The following AKAP13 variants were observed in gnomAD, a reference collection of about 807,000 sequenced individuals.
AKAP13 encodes A-kinase anchor protein 13.
In AKAP13, 80 loss-of-function variants were observed where a neutral mutation model predicts 264.5. That is an observed-to-expected ratio of 0.30 (90% CI 0.25 to 0.36). The LOEUF (loss-of-function observed/expected upper bound fraction) is 0.36, where lower values mean the gene tolerates loss of function less well. Ranked by LOEUF, AKAP13 falls within the 10% of genes least tolerant of loss-of-function variation. The probability of loss-of-function intolerance (pLI) is 1.00; values close to 1 mark genes in which losing one functional copy is unlikely to be tolerated. For missense variants in AKAP13, 3,712 were observed against 3,435.2 expected (o/e 1.08, Z -2.01); for synonymous variants, 1,380 against 1,250.2 (o/e 1.10, Z -2.19).
chr15:85,663,720 C>G (rs979230571), intron 12 of AKAP13, among the ~76,000 whole-genome samples: 1 of 152,190 alleles, frequency 6.6e-6, no homozygotes, highest in Non-Finnish European at 1.5e-5. Flanking sequence ...GTGAATTACT[C>G]TAGTTAGCAA....
chr15:85,553,316 G>A (rs1237744663), intron 5 of AKAP13, among the ~76,000 whole-genome samples: 2 of 152,024 alleles, frequency 1.3e-5, no homozygotes, highest in Non-Finnish European at 2.9e-5. Flanking sequence ...TTGAACTCCT[G>A]ACCTCAGGTG....
intron 5 of AKAP13, among the ~76,000 whole-genome samples, chr15:85,562,862 GT>G (rs869094669): frequency 5.9e-5 from 2 of 34,102 alleles, no homozygotes; most frequent in African/African-American, 1.2e-4. Context: ...CGCCCAGCAG[GT>G]TTTTTTTGTT....
chr15:85,446,286 G>A (rs1480196262), intron 1 of AKAP13, among the ~76,000 whole-genome samples: 2 of 152,178 alleles, frequency 1.3e-5, no homozygotes, highest in Non-Finnish European at 2.9e-5. Context: ...CCAGGAGTGA[G>A]GACAACGACT....
At chr15:85,657,659 A>G (rs1357153796) in intron 11 of AKAP13, among the ~76,000 whole-genome samples, 2 of 150,660 alleles carry the variant, frequency 1.3e-5, no homozygotes, top group African/African-American at 4.9e-5. Flanking sequence ...TATACGTTTG[A>G]GACCCTAGAT....
intron 9 of AKAP13, 71 bp downstream of exon 9, chr15:85,639,520 C>A: frequency 1.8e-6 from 2 of 1,112,116 alleles, no homozygotes; most frequent in Non-Finnish European, 1.4e-6. Flanking sequence ...ATTTGGAGAT[C>A]TGCCCTTCCT....
At chr15:85,687,271 T>A (rs1373790607) in intron 16 of AKAP13, among the ~76,000 whole-genome samples, 2 of 152,226 alleles carry the variant, frequency 1.3e-5, no homozygotes, top group African/African-American at 4.8e-5. Context: ...GAAGTAGTAC[T>A]CATCATTTTG....
chr15:85,722,161 T>G, intron 24 of AKAP13, 45 bp downstream of exon 24: 1 of 1,611,998 alleles, frequency 6.2e-7, no homozygotes, highest in Non-Finnish European at 8.5e-7. Flanking sequence ...TTGAGAGCCA[T>G]GTGTCCCTGT....
intron 9 of AKAP13, among the ~76,000 whole-genome samples, chr15:85,642,065 G>C (rs1002077182): frequency 5.1e-4 from 77 of 152,126 alleles, no homozygotes; most frequent in Non-Finnish European, 8.8e-4. Flanking sequence ...TCATAAAATG[G>C]GACTGGCCCT....
intron 8 of AKAP13, among the ~76,000 whole-genome samples, chr15:85,637,884 GTT>G (rs34885165): frequency 0.22 from 27,113 of 122,534 alleles, 3,403 homozygotes; most frequent in Middle Eastern, 0.4. Flanking sequence ...TTATTTAGAA[GTT>G]TTTTTTTTTT....
intron 30 of AKAP13, among the ~76,000 whole-genome samples, chr15:85,734,362 G>T (rs189601584): frequency 2.0e-5 from 3 of 152,176 alleles, no homozygotes; most frequent in East Asian, 1.9e-4. Flanking sequence ...CATAGGACTC[G>T]TCTATCATTT....
intron 10 of AKAP13, among the ~76,000 whole-genome samples, chr15:85,649,645 C>T (rs923218613): frequency 2.6e-5 from 4 of 152,200 alleles, no homozygotes; most frequent in African/African-American, 9.7e-5. Flanking sequence ...TTCACCTTAA[C>T]CCTGTCTTTC....
Position 85,562,862 on chromosome 15 carries a change from GTTTTTTTTGTT to G in AKAP13, c.663-12260_663-12250del, listed in dbSNP as rs1332750249. 1.8e-4 allele frequency among the ~76,000 whole-genome samples: 6 copies of G among 34,102 alleles called. No individual in the cohort carries two copies. In the Admixed American group the frequency reaches 2.3e-3, roughly 13 times the overall value. The allele number at this position is 34,102 out of a possible 152,430, so 22.4% of individuals were successfully genotyped here. On this transcript the variant is annotated intron_variant, in intron 5 of 36. Coordinates refer to ENST00000394518, the MANE Select transcript of AKAP13 (RefSeq NM_007200.5). ...AGGCATGCGCCACCACGCCCAGCAG[GTTTTTTTTGTT>G]TTTTTTTTTTTTGTATTTTTAGTAG...
intron 8 of AKAP13, among the ~76,000 whole-genome samples, chr15:85,628,574 A>G (rs1409112552): frequency 6.6e-6 from 1 of 152,204 alleles, no homozygotes; most frequent in East Asian, 1.9e-4. Context: ...GTTCTTAGAG[A>G]CAGTGAGCCT....
intron 35 of AKAP13, among the ~76,000 whole-genome samples, chr15:85,742,422 T>G (rs906443156): frequency 6.6e-6 from 1 of 151,896 alleles, no homozygotes; most frequent in African/African-American, 2.4e-5. Flanking sequence ...CAGGCCAGAG[T>G]TGCTGGAAGA....
chr15:85,406,852 A>G (rs963055692), intron 1 of AKAP13, among the ~76,000 whole-genome samples: 41 of 151,644 alleles, frequency 2.7e-4, no homozygotes, highest in Admixed American at 1.6e-3. Context: ...TTCTAGGGGT[A>G]GTTCTATTTT....
intron 10 of AKAP13, among the ~76,000 whole-genome samples, chr15:85,653,752 C>A (rs2082973912): frequency 6.6e-6 from 1 of 152,034 alleles, no homozygotes; most frequent in Non-Finnish European, 1.5e-5. Flanking sequence ...AAAAGAATTA[C>A]AAAATGCCCT....
rs769309480 is a variant in AKAP13, at chr15:85,723,228, G to C, written c.6653G>C (p.Ser2218Thr). The C allele has an allele frequency of 2.4e-5, 38 of 1,614,186 alleles. 1 individual carries two copies. In the South Asian group the frequency reaches 4.2e-4, roughly 18 times the overall value. Reference protein sequence around the residue: ...TDSKSIMRMKSGQMFAKEDLK... With the variant: ...TDSKSIMRMKTGQMFAKEDLK... ...AGCAAGTCAATCATGAGGATGAAGAGTGGTCAGATGTTTGCCAAGGAAGAT... is the reference window on the plus strand; with the variant it reads ...AGCAAGTCAATCATGAGGATGAAGACTGGTCAGATGTTTGCCAAGGAAGAT... The change falls in exon 26 of 37, where the codon AGT (serine) becomes ACT (threonine). Residue 2218 changes from serine to threonine, a missense_variant. Around this residue, in one of 3 missense-constraint regions of AKAP13, gnomAD observed 342 missense variants for 484.3 expected, o/e 0.71. Coordinates refer to ENST00000394518, the MANE Select transcript of AKAP13 (RefSeq NM_007200.5).
chr15:85,395,476 A>T (rs1299803620), intron 1 of AKAP13, among the ~76,000 whole-genome samples: 1 of 152,198 alleles, frequency 6.6e-6, no homozygotes, highest in African/African-American at 2.4e-5. Flanking sequence ...TGGAAGGAAT[A>T]TTTTACAGCC....
chr15:85,432,463 C>CT (rs1165534024), intron 1 of AKAP13, among the ~76,000 whole-genome samples: 2 of 151,870 alleles, frequency 1.3e-5, no homozygotes, highest in Non-Finnish European at 2.9e-5. Context: ...TGAATTCCCT[C>CT]TTAGAGCATC....
Sources: gnomAD v4.1 joint callset for allele counts (sites outside exome capture counted in the v4.1 genomes callset) on GRCh38, gnomAD v4.1.1 for gene constraint, gnomAD v4.1.1 regional missense constraint, MANE v1.5 for transcripts, NCBI Gene and HGNC (gene_info 2026-07-23, HGNC 2026-07-21) for gene names.